CDC14B: variants seen among roughly 807,000 people sequenced by gnomAD.
CDC14B encodes cell division cycle 14B, also known as dual specificity protein phosphatase CDC14B.
In CDC14B, 22 loss-of-function variants were observed where a neutral mutation model predicts 64.2. That is an observed-to-expected ratio of 0.34 (90% CI 0.24 to 0.49). The LOEUF (loss-of-function observed/expected upper bound fraction) is 0.49. CDC14B is among the 20% of genes least tolerant of loss of function. The probability of loss-of-function intolerance (pLI) is 0.99; values close to 1 mark genes in which losing one functional copy is unlikely to be tolerated. For missense variants in CDC14B, 498 were observed against 629.9 expected, an observed-to-expected ratio of 0.79 and a Z score of 2.24; for synonymous variants, 191 against 215.8, an observed-to-expected ratio of 0.89 and a Z score of 1.01.
chr9:96,546,781 G>A (rs1351518813), intron 5 of CDC14B, among the ~76,000 whole-genome samples: 1 of 149,642 alleles, frequency 6.7e-6, no homozygotes, highest in Non-Finnish European at 1.5e-5. Flanking sequence ...GTAGGTAAAT[G>A]GCCGGGCTCG....
chr9:96,511,662 C>T (rs1191134266), intron 12 of CDC14B, among the ~76,000 whole-genome samples: 1 of 152,204 alleles, frequency 6.6e-6, no homozygotes, highest in East Asian at 1.9e-4. Context: ...TCACTTTACT[C>T]ATGCAGGATT....
intron 10 of CDC14B, 37 bp downstream of exon 10, chr9:96,523,550 T>A (rs1176671861): frequency 1.2e-6 from 2 of 1,612,914 alleles, no homozygotes; most frequent in Non-Finnish European, 1.7e-6. Flanking sequence ...CAACCCCACA[T>A]GTTCCCTGGG....
At chr9:96,538,793 C>A in intron 7 of CDC14B, 1 of 261,962 alleles carries the variant, frequency 3.8e-6, no homozygotes, top group Admixed American at 5.4e-5. Flanking sequence ...GAGTACAAAC[C>A]ATCAGAGGAT....
intron 5 of CDC14B, among the ~76,000 whole-genome samples, chr9:96,542,359 G>T (rs1840181460): frequency 1.3e-5 from 2 of 152,194 alleles, no homozygotes; most frequent in Non-Finnish European, 2.9e-5. Flanking sequence ...CTGTGTGTGT[G>T]TGTCTCCAAC....
At chr9:96,530,275 A>C (rs967008841) in intron 9 of CDC14B, among the ~76,000 whole-genome samples, 2 of 149,536 alleles carry the variant, frequency 1.3e-5, no homozygotes, top group Non-Finnish European at 3.0e-5. Flanking sequence ...GTGTGTGCGT[A>C]ATCTTGAGGG....
chr9:96,539,228 C>T, intron 6 of CDC14B, 88 bp from the exon 7 acceptor site: 1 of 909,734 alleles, frequency 1.1e-6, no homozygotes, highest in South Asian at 1.4e-5. Flanking sequence ...ATATCAGGGG[C>T]CCCCCAAGAA....
At position 96,514,745 on chromosome 9, in the gene CDC14B, C is replaced by A. The variant is rs201406479; in HGVS notation, c.1344-4956G>T. 123 of 985,450 alleles carry A rather than the reference C, an allele frequency of 1.2e-4. No homozygotes were observed. The East Asian group carries it at 0.011, about 90-fold the overall frequency. The allele number at this position is 985,450 out of a possible 1,614,324, so 61.0% of individuals were successfully genotyped here. A position where few individuals can be genotyped will look rare whatever the true frequency, so the allele number is the denominator to read the frequency against. On this transcript the variant is annotated intron_variant, in intron 12 of 13. Transcript: ENST00000375241. Reference sequence around the variant, plus strand: ...CAGAGAAGGAAGAACGCAGCTCAGACACAGAAGGGTGGCGGTGGACCCCGT... The same window carrying A: ...CAGAGAAGGAAGAACGCAGCTCAGAAACAGAAGGGTGGCGGTGGACCCCGT...
intron 1 of CDC14B, among the ~76,000 whole-genome samples, chr9:96,598,572 TG>T (rs1166623368): frequency 6.6e-6 from 1 of 152,206 alleles, no homozygotes; most frequent in Non-Finnish European, 1.5e-5. Context: ...CCTGACCTTG[TG>T]ATCCACCTGC....
At chr9:96,556,240 T>C (rs1218077564) in intron 4 of CDC14B, among the ~76,000 whole-genome samples, 1 of 152,142 alleles carries the variant, frequency 6.6e-6, no homozygotes, top group East Asian at 1.9e-4. Flanking sequence ...CAGGAAATCC[T>C]GGAGAGATGT....
intron 6 of CDC14B, among the ~76,000 whole-genome samples, 153 bp from the exon 7 acceptor site, chr9:96,539,293 G>A (rs1209542257): frequency 2.6e-5 from 4 of 152,024 alleles, no homozygotes; most frequent in Admixed American, 1.3e-4. Context: ...GGAAGTGGGC[G>A]GCGTCTTCTA....
intron 12 of CDC14B, among the ~76,000 whole-genome samples, chr9:96,518,179 A>G (rs2131448427): frequency 6.6e-6 from 1 of 152,322 alleles, no homozygotes; most frequent in African/African-American, 2.4e-5. Context: ...GATTTGGCTT[A>G]TCATGTCATT....
intron 4 of CDC14B, among the ~76,000 whole-genome samples, chr9:96,560,192 T>C (rs1842965254): frequency 6.6e-6 from 1 of 152,174 alleles, no homozygotes; most frequent in Non-Finnish European, 1.5e-5. Context: ...CTCAGGGACA[T>C]CTCATCTGAC....
At chr9:96,496,804 C>G (rs1001132568), downstream of CDC14B, among the ~76,000 whole-genome samples, 5 of 152,212 alleles carry the variant, frequency 3.3e-5, no homozygotes, top group African/African-American at 4.8e-5. Context: ...CTCTGCCCGC[C>G]GGCCCGAGAG....
chr9:96,530,935 C>T (rs1401861925), intron 9 of CDC14B, among the ~76,000 whole-genome samples: 1 of 152,136 alleles, frequency 6.6e-6, no homozygotes, highest in Non-Finnish European at 1.5e-5. Flanking sequence ...TTGTCCTTAA[C>T]GTGGTATATC....
At chr9:96,518,980 C>A (rs1836214333) in intron 12 of CDC14B, among the ~76,000 whole-genome samples, 1 of 151,790 alleles carries the variant, frequency 6.6e-6, no homozygotes, top group Non-Finnish European at 1.5e-5. Context: ...ACTAAAAATA[C>A]AAAAATTTAG....
downstream of CDC14B, among the ~76,000 whole-genome samples, chr9:96,495,961 T>G (rs1014400343): frequency 3.3e-5 from 5 of 152,164 alleles, no homozygotes; most frequent in African/African-American, 1.2e-4. Context: ...GATGCAGCCT[T>G]CAAAAATTTG....
intron 1 of CDC14B, among the ~76,000 whole-genome samples, chr9:96,617,718 C>T (rs983263494): frequency 6.6e-6 from 1 of 152,182 alleles, no homozygotes; most frequent in African/African-American, 2.4e-5. Context: ...TAGAGAAGGA[C>T]ACTTGGAGAC....
intron 1 of CDC14B, among the ~76,000 whole-genome samples, chr9:96,602,354 G>A (rs1195635535): frequency 2.0e-5 from 3 of 147,090 alleles, no homozygotes; most frequent in African/African-American, 5.5e-5. Flanking sequence ...AAAGAATTAC[G>A]TCTGTATTTT....
At chr9:96,505,958 C>T (rs886074095) in intron 13 of CDC14B, among the ~76,000 whole-genome samples, 1 of 152,186 alleles carries the variant, frequency 6.6e-6, no homozygotes, top group Non-Finnish European at 1.5e-5. Context: ...GCTCTTTTGA[C>T]GTTTTTGAAA....
Sources: gnomAD v4.1 joint callset for allele counts (sites outside exome capture counted in the v4.1 genomes callset) on GRCh38, gnomAD v4.1.1 for gene constraint, MANE v1.5 for transcripts, NCBI Gene and HGNC (gene_info 2026-07-23, HGNC 2026-07-21) for gene names.